The following TSG101 variants were observed in gnomAD, a reference collection of about 807,000 sequenced individuals.
TSG101 encodes the protein tumor susceptibility 101, also known as tumor susceptibility gene 101 protein.
TSG101 carries 19 observed loss-of-function variants against 48.5 expected under a neutral mutation model. The observed-to-expected ratio is 0.39, with a 90% CI of 0.27 to 0.58. The LOEUF (loss-of-function observed/expected upper bound fraction) is 0.58, where lower values mean the gene tolerates loss of function less well. Among genes scored for constraint, TSG101 ranks in the 20% least tolerant of loss-of-function variants. The pLI is 0.55. For missense variants in TSG101, 365 were observed against 484.4 expected, an observed-to-expected ratio of 0.75 and a Z score of 2.31; for synonymous variants, 174 against 169.4, an observed-to-expected ratio of 1.03 and a Z score of -0.21.
At chr11:18,525,565 G>GTT in intron 1 of TSG101, 1 of 230,420 alleles carries the variant, frequency 4.3e-6, no homozygotes. Context: ...AAAAAAAAGA[G>GTT]TCATGGAACA....
At chr11:18,498,041 T>A (rs1032048482) in intron 7 of TSG101, among the ~76,000 whole-genome samples, 2 of 148,828 alleles carry the variant, frequency 1.3e-5, no homozygotes, top group African/African-American at 4.9e-5. Context: ...AACTTCTATA[T>A]ACCAAGCACT....
At chr11:18,522,984 G>A (rs1850303596) in intron 1 of TSG101, among the ~76,000 whole-genome samples, 1 of 152,050 alleles carries the variant, frequency 6.6e-6, no homozygotes, top group Admixed American at 6.5e-5. Flanking sequence ...CAAACTCCTG[G>A]GCTCAAGTGA....
In TSG101 at chr11:18,522,566, G is replaced by A. The variant is rs139640907; in HGVS notation, c.43-2963C>T. On this transcript the variant is annotated intron_variant, in intron 1 of 9. Transcript: ENST00000251968. The stretch of plus-strand genomic sequence containing the variant: ...TAGATTACTGCAACAGCCTCCTTAC[G>A]TGTCTCTGCCTCCATCGTTAACCCC... 1.4e-3 allele frequency among the ~76,000 whole-genome samples: 213 copies of A among 152,280 alleles called. 1 individual carries two copies. The highest frequency in any genetic ancestry group is 4.7e-3 in the African/African-American group (194 of 41,556).
chr11:18,499,262 AT>A (rs1317424763), intron 7 of TSG101, among the ~76,000 whole-genome samples: 15 of 133,488 alleles, frequency 1.1e-4, no homozygotes, highest in African/African-American at 2.5e-4. Flanking sequence ...TATTATATAT[AT>A]TTTATATATA....
intron 3 of TSG101, 109 bp from the exon 4 acceptor site, chr11:18,514,950 A>T: frequency 1.0e-6 from 1 of 980,188 alleles, no homozygotes; most frequent in Non-Finnish European, 1.4e-6. Flanking sequence ...ATATATCCGC[A>T]TCCCCCCCAT....
rs1273338382 is a variant in TSG101, at chr11:18,516,367, CAG to C, written c.128-205_128-204del. Among the ~76,000 whole-genome samples the C allele has an allele frequency of 7.1e-3, 1,021 of 144,268 alleles. 5 individuals carry two copies. Among genetic ancestry groups the C allele is most frequent in the African/African-American group, 0.025 (967 of 38,986 alleles). 94.6% of individuals were successfully genotyped at this position (144,268 alleles called of 152,430 possible). ...ATCAGCTCTTTTTTGTTTTTTTTTTCAGAGTCTCATCCTGTTGCCCAGGATGG... is the reference window on the plus strand; with the variant it reads ...ATCAGCTCTTTTTTGTTTTTTTTTTCAGTCTCATCCTGTTGCCCAGGATGG... On this transcript the variant is annotated intron_variant, in intron 2 of 9. Coordinates refer to ENST00000251968, the MANE Select transcript of TSG101 (RefSeq NM_006292.4).
chr11:18,484,861 ATT>A (rs1426061920), intron 7 of TSG101, among the ~76,000 whole-genome samples: 3 of 150,804 alleles, frequency 2.0e-5, no homozygotes, highest in Non-Finnish European at 4.4e-5. Context: ...TGTAAATGGC[ATT>A]TTGACTTTTA....
intron 7 of TSG101, among the ~76,000 whole-genome samples, chr11:18,497,000 A>G (rs1428104278): frequency 6.6e-6 from 1 of 152,178 alleles, no homozygotes; most frequent in Non-Finnish European, 1.5e-5. Context: ...CTGAGGCAGT[A>G]GAACTGCTTG....
At chr11:18,516,049 T>C (rs756777495) in intron 3 of TSG101, 50 bp downstream of exon 3, 1 of 1,514,726 alleles carries the variant, frequency 6.6e-7, no homozygotes, top group Non-Finnish European at 9.1e-7. Context: ...GCAACATATT[T>C]ATTATGTATT....
chr11:18,486,008 T>C (rs564528659), intron 7 of TSG101, among the ~76,000 whole-genome samples: 1 of 152,306 alleles, frequency 6.6e-6, no homozygotes, highest in East Asian at 1.9e-4. Context: ...ACCAATCAAA[T>C]GTTGCCTTTT....
intron 2 of TSG101, among the ~76,000 whole-genome samples, chr11:18,517,665 G>C (rs970929707): frequency 2.0e-5 from 3 of 152,160 alleles, no homozygotes; most frequent in African/African-American, 7.2e-5. Context: ...ATCTGGTATA[G>C]GTTGTAGCCT....
Position 18,526,741 on chromosome 11 carries a change from C to G in TSG101, c.42+34G>C, listed in dbSNP as rs1355702465. 5 of 1,594,036 alleles carry G rather than the reference C, an allele frequency of 3.1e-6. No homozygotes were observed. The Admixed American group carries it at 6.7e-5, about 21-fold the overall frequency. On this transcript the variant is annotated intron_variant, in intron 1 of 9. Transcript: ENST00000251968. ...ACAGGGCGCGGAAGGGAGCGGTGGGCGCGCCCTGGGAGGCGAGCGCGTCGC... is the reference window on the plus strand; with the variant it reads ...ACAGGGCGCGGAAGGGAGCGGTGGGGGCGCCCTGGGAGGCGAGCGCGTCGC...
chr11:18,490,779 T>C (rs1444947683), intron 7 of TSG101: 1 of 520,140 alleles, frequency 1.9e-6, no homozygotes, highest in African/African-American at 1.9e-5. Flanking sequence ...GGAGAAGACA[T>C]GCCAGGAAAG....
At chr11:18,506,731 C>T (rs1414842312) in intron 6 of TSG101, 126 bp downstream of exon 6, 4 of 655,892 alleles carry the variant, frequency 6.1e-6, no homozygotes, top group African/African-American at 5.6e-5. Flanking sequence ...CAGGAATAAA[C>T]CAAGTTTTAT....
Position 18,481,867 on chromosome 11 carries a change from G to C in TSG101, c.846C>G (p.Ala282=). 2 of 1,612,294 alleles carry C rather than the reference G, an allele frequency of 1.2e-6. No homozygotes were observed. The highest frequency in any genetic ancestry group is 1.1e-5 in the South Asian group (1 of 90,964). Residue 282 remains alanine (A), a splice_region_variant and synonymous_variant, in exon 9 of 10, where the codon GCC becomes GCG. Transcript: ENST00000251968. The stretch of plus-strand genomic sequence containing the variant: ...AAAGTTCTATGTTTTTATCAACCTC[G>C]GCCTGAAAACAGAACAGTCCAAGCA... ...EMVTRLDQEV[A]EVDKNIELLK... is the part of the protein sequence containing the mutation.
At chr11:18,482,817 GC>G (rs550725078) in intron 8 of TSG101, among the ~76,000 whole-genome samples, 89 of 152,306 alleles carry the variant, frequency 5.8e-4, no homozygotes, top group South Asian at 4.8e-3. Flanking sequence ...TTTTAAGTCT[GC>G]TCCTAAGATG....
chr11:18,484,023 G>C lies in TSG101; in HGVS notation c.690C>G (p.Leu230=). 1.2e-6 allele frequency: 2 copies of C among 1,614,228 alleles called. No homozygotes were observed. The highest frequency in any genetic ancestry group is 8.5e-7 in the Non-Finnish European group (1 of 1,180,048). Residue 230 remains leucine (L), a synonymous_variant, in exon 8 of 10, where the codon CTC becomes CTG. Coordinates refer to ENST00000251968, the MANE Select transcript of TSG101 (RefSeq NM_006292.4). ...TISEDTIRAS[L]ISAVSDKLRW... ...TCAGTTTGTCACTGACCGCAGAGAT[G>C]AGAGAGGCTCGGATGGTGTCCTCGC...
intron 7 of TSG101, among the ~76,000 whole-genome samples, chr11:18,488,585 A>C (rs1849653745): frequency 6.6e-6 from 1 of 152,214 alleles, no homozygotes. Context: ...TGGTATGACT[A>C]AAGAGCAACA....
In TSG101 at chr11:18,516,502, AC is replaced by A. The variant is rs1850176903; in HGVS notation, c.128-339del. ...TGGGATTACAGGCACGTGCCACCAC[AC>A]CTGACTAATTTTTTGTATCTTTAGT... On this transcript the variant is annotated intron_variant, in intron 2 of 9. Coordinates refer to ENST00000251968, the MANE Select transcript of TSG101 (RefSeq NM_006292.4). Among the ~76,000 whole-genome samples the A allele has an allele frequency of 5.3e-5, 8 of 151,466 alleles. 1 individual carries two copies. The South Asian group carries it at 1.7e-3, about 32-fold the overall frequency.
Sources: allele counts gnomAD v4.1 joint callset (sites outside exome capture counted in the v4.1 genomes callset), GRCh38; gene constraint gnomAD v4.1.1; transcripts MANE v1.5; gene names NCBI Gene and HGNC (gene_info 2026-07-23, HGNC 2026-07-21).